TSPAN18: variants seen among roughly 807,000 people sequenced by gnomAD.
The protein encoded by TSPAN18 is tetraspanin-18.
TSPAN18 carries 14 observed loss-of-function variants against 27.3 expected under a neutral mutation model. That is an observed-to-expected ratio of 0.51 (90% CI 0.34 to 0.80). The LOEUF (loss-of-function observed/expected upper bound fraction) is 0.80, where lower values mean the gene tolerates loss of function less well. Ranked by LOEUF, TSPAN18 falls within the 30% of genes least tolerant of loss-of-function variation. The probability of loss-of-function intolerance (pLI) is 0.01; values close to 1 mark genes in which losing one functional copy is unlikely to be tolerated. For missense variants in TSPAN18, 268 were observed against 323.9 expected (o/e 0.83, Z 1.32); for synonymous variants, 143 against 136.5 (o/e 1.05, Z -0.33).
At chr11:44,913,959 G>A (rs921966875) in intron 5 of TSPAN18, among the ~76,000 whole-genome samples, 8 of 152,254 alleles carry the variant, frequency 5.3e-5, no homozygotes, top group East Asian at 1.9e-4. Flanking sequence ...GGAGAAGGGC[G>A]AGTTGGCAGA....
intron 3 of TSPAN18, among the ~76,000 whole-genome samples, chr11:44,864,768 C>G (rs905489659): frequency 4.6e-5 from 7 of 152,278 alleles, no homozygotes; most frequent in African/African-American, 1.4e-4. Flanking sequence ...TTTTCACCCC[C>G]CTTTGATGCT....
At chr11:44,912,228 C>T (rs1057233234) in intron 5 of TSPAN18, among the ~76,000 whole-genome samples, 1 of 152,036 alleles carries the variant, frequency 6.6e-6, no homozygotes, top group Non-Finnish European at 1.5e-5. Flanking sequence ...TACCATGTTG[C>T]TCAGGCTGGT....
chr11:44,755,537 G>C (rs1362806046), intron 1 of TSPAN18, among the ~76,000 whole-genome samples: 1 of 152,054 alleles, frequency 6.6e-6, no homozygotes, highest in East Asian at 1.9e-4. Flanking sequence ...GGGGTTTGCT[G>C]AGCTGGGGAC....
At chr11:44,928,647 G>C (rs370497101) in intron 9 of TSPAN18, among the ~76,000 whole-genome samples, 1 of 152,186 alleles carries the variant, frequency 6.6e-6, no homozygotes, top group African/African-American at 2.4e-5. Context: ...TCAGCTGGGC[G>C]TGGTGACGCA....
At chr11:44,760,584 T>C (rs1463968154) in intron 1 of TSPAN18, among the ~76,000 whole-genome samples, 9 of 152,210 alleles carry the variant, frequency 5.9e-5, no homozygotes. Flanking sequence ...AGGAGACATA[T>C]TAAAGTTTCT....
intron 1 of TSPAN18, among the ~76,000 whole-genome samples, chr11:44,755,568 G>T (rs1007581962): frequency 2.0e-5 from 3 of 152,122 alleles, no homozygotes; most frequent in African/African-American, 7.2e-5. Flanking sequence ...GACATCCTGA[G>T]CATGCCTTGG....
intron 2 of TSPAN18, among the ~76,000 whole-genome samples, chr11:44,841,788 G>A (rs943425601): frequency 5.3e-5 from 8 of 152,208 alleles, no homozygotes; most frequent in Middle Eastern, 3.2e-3. Flanking sequence ...GGGGCCCAGT[G>A]AGAGATGGGG....
intron 2 of TSPAN18, among the ~76,000 whole-genome samples, chr11:44,774,623 C>A (rs1473318552): frequency 2.0e-5 from 3 of 152,172 alleles, no homozygotes; most frequent in Non-Finnish European, 2.9e-5. Context: ...ACAGAGCCTC[C>A]TTCATCCTCC....
chr11:44,797,496 G>T (rs1385795964), intron 2 of TSPAN18, among the ~76,000 whole-genome samples: 1 of 152,150 alleles, frequency 6.6e-6, no homozygotes, highest in African/African-American at 2.4e-5. Flanking sequence ...ATGGCGGGGT[G>T]GGGAGGAGTA....
intron 3 of TSPAN18, among the ~76,000 whole-genome samples, chr11:44,864,144 G>A (rs932811406): frequency 2.6e-5 from 4 of 151,988 alleles, no homozygotes; most frequent in South Asian, 2.1e-4. Flanking sequence ...AAAATTAGCC[G>A]GGTGTGGTGG....
intron 1 of TSPAN18, among the ~76,000 whole-genome samples, chr11:44,755,121 AT>A (rs1855302818): frequency 1.3e-5 from 2 of 152,128 alleles, no homozygotes; most frequent in Admixed American, 6.5e-5. Flanking sequence ...GGATTGGGAC[AT>A]TCCCTCCCTC....
At chr11:44,804,630 G>A (rs1182971407) in intron 2 of TSPAN18, among the ~76,000 whole-genome samples, 2 of 152,192 alleles carry the variant, frequency 1.3e-5, no homozygotes, top group Non-Finnish European at 2.9e-5. Flanking sequence ...CTGGCGAGCA[G>A]CGATGAGGGA....
intron 2 of TSPAN18, among the ~76,000 whole-genome samples, chr11:44,818,308 T>A (rs537614279): frequency 2.0e-5 from 3 of 152,262 alleles, no homozygotes; most frequent in African/African-American, 7.2e-5. Flanking sequence ...TTTCTATACA[T>A]CCTCCAGGAC....
In TSPAN18 at chr11:44,930,498, C is replaced by A; in HGVS notation, c.*1320C>A. 4.1e-6 allele frequency: 1 copy of A among 242,490 alleles called. No homozygotes were observed. The highest frequency in any genetic ancestry group is 4.8e-5 in the South Asian group (1 of 20,884). The allele number at this position is 242,490 out of a possible 1,614,324, so 15.0% of individuals were successfully genotyped here. A position where few individuals can be genotyped will look rare whatever the true frequency, so the allele number is the denominator to read the frequency against. On this transcript the variant is annotated 3_prime_UTR_variant, in exon 10 of 10. Coordinates refer to ENST00000520358, the MANE Select transcript of TSPAN18 (RefSeq NM_130783.5). Reference sequence around the variant, plus strand: ...CCAGGCTAAAGAATCCCGAAGGCATCGAGGCCATTTCTGCTGCAACAAGGT... The same window carrying A: ...CCAGGCTAAAGAATCCCGAAGGCATAGAGGCCATTTCTGCTGCAACAAGGT...
intron 2 of TSPAN18, among the ~76,000 whole-genome samples, chr11:44,781,524 G>T (rs1014842482): frequency 6.6e-6 from 1 of 152,212 alleles, no homozygotes; most frequent in Non-Finnish European, 1.5e-5. Flanking sequence ...GTAGGACACA[G>T]CACATCCTTG....
rs557695953 is a variant in TSPAN18 at position 44,923,283 on chromosome 11, G to A, written c.615+3284G>A. 6.6e-5 allele frequency among the ~76,000 whole-genome samples: 10 copies of A among 152,250 alleles called. No individual in the cohort carries two copies. The South Asian group carries it at 1.7e-3, about 25-fold the overall frequency. On this transcript the variant is annotated intron_variant, in intron 8 of 9. Transcript: ENST00000520358. ...GCCTGGCTGCCCCTCATCAGATTAG[G>A]TGGGTGGTGACTGTGGGTGGCAGCA...
rs370068635 is a variant in TSPAN18, at chr11:44,847,014, G to A, written c.-152-13314G>A. Among the ~76,000 whole-genome samples, 120 of 152,272 alleles carry A rather than the reference G, an allele frequency of 7.9e-4. 2 individuals are homozygous for A. In the South Asian group the frequency reaches 0.016, roughly 20 times the overall value. On this transcript the variant is annotated intron_variant, in intron 2 of 9. Transcript: ENST00000520358. ...TTCCCTCAGGCTGGTGGGAAGATTC[G>A]CGAAGCACTAACTTCAGCAGGAAGC...
At chr11:44,905,620 G>T (rs1859426321) in intron 3 of TSPAN18, among the ~76,000 whole-genome samples, 1 of 152,246 alleles carries the variant, frequency 6.6e-6, no homozygotes, top group South Asian at 2.1e-4. Flanking sequence ...TCCCCTGGGG[G>T]ATGGGGGACA....
chr11:44,818,881 G>A (rs932972007), intron 2 of TSPAN18, among the ~76,000 whole-genome samples: 9 of 152,190 alleles, frequency 5.9e-5, no homozygotes, highest in East Asian at 1.9e-4. Flanking sequence ...CTAACAGCAC[G>A]TGGCCTGACT....
Sources: allele counts gnomAD v4.1 joint callset (sites outside exome capture counted in the v4.1 genomes callset), GRCh38; gene constraint gnomAD v4.1.1; transcripts MANE v1.5; gene names NCBI Gene and HGNC (gene_info 2026-07-23, HGNC 2026-07-21).